Variants in RYR2 observed in about 807,000 individuals in gnomAD.
RYR2 encodes the protein ryanodine receptor 2.
Under a neutral mutation model 601.1 loss-of-function variants are expected in RYR2, and 227 were observed. That is an observed-to-expected ratio of 0.38 (90% CI 0.34 to 0.42). The LOEUF is 0.42. RYR2 is among the 10% of genes least tolerant of loss of function. RYR2 has a pLI of 1.00. For synonymous variants in RYR2, 2,223 were observed against 2,175.1 expected (o/e 1.02, Z -0.61); for missense variants, 4,646 against 6,156.5 (o/e 0.75, Z 8.21).
At chr1:237,487,590 G>T (rs574751194) in intron 17 of RYR2, among the ~76,000 whole-genome samples, 1 of 149,916 alleles carries the variant, frequency 6.7e-6, no homozygotes, top group Non-Finnish European at 1.5e-5. Context: ...CAGCATGGTG[G>T]CATGCACCTA....
chr1:237,610,891 A>G lies in RYR2; in HGVS notation c.4813A>G (p.Lys1605Glu). The stretch of plus-strand genomic sequence containing the variant: ...GAGCAGAATGCCCAACCAGTTTTTG[A>G]AGGTAGATGTGTCTCGAATAAGTGA... ...LWSRMPNQFLKVDVSRISERQ... is the reference protein window; with the variant it reads ...LWSRMPNQFLEVDVSRISERQ... Residue 1605 changes from lysine to glutamate, a missense_variant, in exon 36 of 105, where the codon AAG becomes GAG. By Grantham distance (56) the Lys-to-Glu change is moderately conservative (BLOSUM62 1). Coordinates refer to ENST00000366574, the MANE Select transcript of RYR2 (RefSeq NM_001035.3). The surrounding 1 kb of genome is among the most constrained non-coding windows in gnomAD (Gnocchi z 4.9). 1.2e-6 allele frequency: 2 copies of G among 1,613,370 alleles called. No homozygotes were observed. Among genetic ancestry groups the G allele is most frequent in the Non-Finnish European group, 1.7e-6 (2 of 1,179,674 alleles).
chr1:237,179,148 T>G (rs536112938), intron 1 of RYR2, among the ~76,000 whole-genome samples: 1 of 152,342 alleles, frequency 6.6e-6, no homozygotes, highest in African/African-American at 2.4e-5. Flanking sequence ...TAGCAAATTT[T>G]ATCTCTGCTG....
intron 5 of RYR2, among the ~76,000 whole-genome samples, chr1:237,369,115 G>A (rs1401359085): frequency 4.6e-5 from 7 of 152,142 alleles, no homozygotes; most frequent in Admixed American, 1.3e-4. Flanking sequence ...GAGCCACCAC[G>A]CCTGGCCTGA....
chr1:237,238,640 C>T lies in RYR2; in HGVS notation c.49-31857C>T, dbSNP rs74414513. ...GGCCTCCTTCTCCACCATGAAGAGC[C>T]GTGATGAGGACTGTAGCACCGTCAG... is the stretch of plus-strand genomic sequence containing the variant. On this transcript the variant is annotated intron_variant, in intron 1 of 104. Transcript: ENST00000366574. 0.01 allele frequency among the ~76,000 whole-genome samples: 1,522 copies of T among 152,190 alleles called. 85 individuals are homozygous for T. The East Asian group carries it at 0.15, about 15-fold the overall frequency.
chr1:237,178,016 G>C (rs1678249988), intron 1 of RYR2, among the ~76,000 whole-genome samples: 2 of 152,210 alleles, frequency 1.3e-5, no homozygotes, highest in South Asian at 4.2e-4. Flanking sequence ...TAAGAATTCT[G>C]GTTGTTCCAC....
intron 2 of RYR2, among the ~76,000 whole-genome samples, chr1:237,322,821 C>CGTGTGTGTGTGT (rs113420477): frequency 2.8e-5 from 4 of 143,112 alleles, no homozygotes; most frequent in African/African-American, 1.0e-4. Flanking sequence ...AACACACACA[C>CGTGTGTGTGTGT]GTGTGTGTGT....
intron 10 of RYR2, among the ~76,000 whole-genome samples, chr1:237,388,400 A>G (rs971140170): frequency 2.4e-4 from 37 of 152,214 alleles, no homozygotes; most frequent in African/African-American, 8.4e-4. Flanking sequence ...AAATTTTTGT[A>G]TAATTAAAAC....
intron 10 of RYR2, among the ~76,000 whole-genome samples, chr1:237,406,171 T>TCCCC (rs1558764686): frequency 3.0e-5 from 1 of 32,978 alleles, no homozygotes; most frequent in Non-Finnish European, 4.9e-5. Flanking sequence ...TTCCCTTCCC[T>TCCCC]TCCCTCCCCT....
chr1:237,138,165 G>A (rs1469525407), intron 1 of RYR2, among the ~76,000 whole-genome samples: 1 of 152,128 alleles, frequency 6.6e-6, no homozygotes, highest in African/African-American at 2.4e-5. Flanking sequence ...CTGAGTAGCT[G>A]GAATTGCAGG....
intron 71 of RYR2, 116 bp from the exon 72 acceptor site, chr1:237,717,082 A>G: frequency 2.2e-6 from 2 of 903,054 alleles, no homozygotes; most frequent in South Asian, 4.0e-5. Flanking sequence ...AGGATTTTCA[A>G]AACTAGGGAG....
In RYR2 at chr1:237,590,830, A is replaced by G. The variant is rs935070960; in HGVS notation, c.3998A>G (p.Asp1333Gly). ...GCTGGCCTTTTTGGGCCCAAGAATG[A>G]CTTGGAAGATTATGATGCTGATTCT... ...PGAGLFGPKN[D>G]LEDYDADSDF... The change falls in exon 31 of 105, where the codon GAC (aspartate) becomes GGC (glycine). Residue 1333 changes from aspartate (D) to glycine (G), a missense_variant. Physicochemically the swap from Asp to Gly is moderately conservative, Grantham distance 94 (BLOSUM62 -1). Around this residue, in one of 17 missense-constraint regions of RYR2, gnomAD observed 1,807 missense variants for 2,088.1 expected, o/e 0.87. Coordinates refer to ENST00000366574, the MANE Select transcript of RYR2 (RefSeq NM_001035.3). 6.2e-7 allele frequency: 1 copy of G among 1,613,626 alleles called. No individual in the cohort carries two copies. Among genetic ancestry groups the G allele is most frequent in the African/African-American group, 1.3e-5 (1 of 74,834 alleles).
chr1:237,386,977 T>A (rs556612418), intron 8 of RYR2, among the ~76,000 whole-genome samples: 4 of 152,356 alleles, frequency 2.6e-5, no homozygotes, highest in Non-Finnish European at 5.9e-5. Flanking sequence ...ATTTTGTTCA[T>A]CAACCATCGT....
chr1:237,216,614 G>A (rs980685512), intron 1 of RYR2, among the ~76,000 whole-genome samples: 1 of 151,858 alleles, frequency 6.6e-6, no homozygotes. Flanking sequence ...GTGGGCACCT[G>A]TAATCCCAGC....
At chr1:237,115,202 A>C (rs1572685743) in intron 1 of RYR2, among the ~76,000 whole-genome samples, 1 of 150,404 alleles carries the variant, frequency 6.6e-6, no homozygotes, top group African/African-American at 2.4e-5. Context: ...AAGAGGCCAC[A>C]CCCTTCTAGA....
chr1:237,043,406 G>A (rs1245729639), intron 1 of RYR2, among the ~76,000 whole-genome samples: 1 of 151,914 alleles, frequency 6.6e-6, no homozygotes, highest in East Asian at 1.9e-4. Context: ...TAAGTGTAAG[G>A]GCAGGGTGGC....
intron 2 of RYR2, among the ~76,000 whole-genome samples, chr1:237,291,203 A>G (rs1056012409): frequency 6.6e-6 from 1 of 152,040 alleles, no homozygotes; most frequent in South Asian, 2.1e-4. Flanking sequence ...ATTCATGTCA[A>G]TGTTATTTTT....
chr1:237,201,096 A>G (rs1229123834), intron 1 of RYR2, among the ~76,000 whole-genome samples: 2 of 152,352 alleles, frequency 1.3e-5, no homozygotes, highest in East Asian at 1.9e-4. Context: ...AAGAAACATC[A>G]AAGTATCCTT....
chr1:237,680,961 C>A (rs533464801), intron 62 of RYR2, among the ~76,000 whole-genome samples: 1 of 152,050 alleles, frequency 6.6e-6, no homozygotes, highest in African/African-American at 2.4e-5. Context: ...GAAGAAAACC[C>A]CACATATACA....
At chr1:237,357,326 G>A (rs774277312) in intron 4 of RYR2, among the ~76,000 whole-genome samples, 55 of 152,162 alleles carry the variant, frequency 3.6e-4, no homozygotes, top group Admixed American at 3.9e-4. Flanking sequence ...CTCAGAACAC[G>A]TATGACACCT....
Sources: allele counts gnomAD v4.1 joint callset (sites outside exome capture counted in the v4.1 genomes callset), GRCh38; gene constraint gnomAD v4.1.1; regional missense constraint gnomAD v4.1.1; non-coding constraint Gnocchi (gnomAD v3.1); transcripts MANE v1.5; gene names NCBI Gene and HGNC (gene_info 2026-07-23, HGNC 2026-07-21).